ST8SIA6: variants seen among roughly 807,000 people sequenced by gnomAD.
ST8SIA6 encodes the protein alpha-2,8-sialyltransferase 8F.
In ST8SIA6, 39 loss-of-function variants were observed where a neutral mutation model predicts 33.6. The observed-to-expected ratio is 1.16, with a 90% CI of 0.90 to 1.52. ST8SIA6 has a LOEUF of 1.52. Among genes scored for constraint, ST8SIA6 ranks in the 40% most tolerant of loss-of-function variants. The pLI, the probability that ST8SIA6 is intolerant of heterozygous loss-of-function variation, is 0.00. For missense variants in ST8SIA6, 441 were observed against 443.8 expected (o/e 0.99, Z 0.06); for synonymous variants, 172 against 167.2 (o/e 1.03, Z -0.22).
At chr10:17,374,764 T>TACACAC (rs1554792822) in intron 3 of ST8SIA6, among the ~76,000 whole-genome samples, 1 of 126,848 alleles carries the variant, frequency 7.9e-6, no homozygotes, top group Non-Finnish European at 1.7e-5. Context: ...TATATATATA[T>TACACAC]ATATTTAGCT....
intron 3 of ST8SIA6, among the ~76,000 whole-genome samples, chr10:17,362,585 T>A (rs1034761761): frequency 2.0e-5 from 3 of 152,190 alleles, no homozygotes; most frequent in Non-Finnish European, 1.5e-5. Context: ...CATGTTAAAT[T>A]TAATTATGAC....
intron 4 of ST8SIA6, among the ~76,000 whole-genome samples, chr10:17,349,974 G>A (rs1050650082): frequency 1.3e-5 from 2 of 151,954 alleles, no homozygotes; most frequent in Non-Finnish European, 2.9e-5. Context: ...AAATGAAAAT[G>A]TATTAATCGT....
At chr10:17,429,969 G>A (rs1474186146) in intron 2 of ST8SIA6, among the ~76,000 whole-genome samples, 2 of 152,124 alleles carry the variant, frequency 1.3e-5, no homozygotes, top group Admixed American at 6.6e-5. Context: ...GTACAGTGGT[G>A]AATTCTGAGA....
intron 2 of ST8SIA6, among the ~76,000 whole-genome samples, chr10:17,413,189 T>G (rs1282730718): frequency 6.6e-6 from 1 of 152,164 alleles, no homozygotes; most frequent in East Asian, 1.9e-4. Flanking sequence ...ATGATTATTT[T>G]TATTACAGCT....
chr10:17,359,285 T>G (rs540921500), intron 4 of ST8SIA6, among the ~76,000 whole-genome samples: 69 of 152,186 alleles, frequency 4.5e-4, no homozygotes, highest in Non-Finnish European at 8.5e-4. Context: ...AAATCTTTCT[T>G]TTGAATTTGG....
intron 3 of ST8SIA6, among the ~76,000 whole-genome samples, chr10:17,363,809 T>G (rs1849473071): frequency 6.6e-6 from 1 of 152,190 alleles, no homozygotes; most frequent in South Asian, 2.1e-4. Flanking sequence ...AAAACATGAA[T>G]GAGCTCACCA....
At chr10:17,379,305 G>A (rs1325531732) in intron 3 of ST8SIA6, among the ~76,000 whole-genome samples, 1 of 144,648 alleles carries the variant, frequency 6.9e-6, no homozygotes, top group Admixed American at 6.8e-5. Flanking sequence ...GTGAAAGTGA[G>A]AGAGAAAGAG....
At position 17,454,052 on chromosome 10, in the gene ST8SIA6, C is replaced by T. The variant is rs1319719388; in HGVS notation, c.101+103G>A. 4.1e-6 allele frequency: 1 copy of T among 242,692 alleles called. No homozygotes were observed. Among genetic ancestry groups the T allele is most frequent in the Non-Finnish European group, 7.8e-6 (1 of 127,852 alleles). 15.0% of individuals were successfully genotyped at this position (242,692 alleles called of 1,614,324 possible). ...CCCGTGGGCTGCTCCCCGCCGCGGC[C>T]AAAAGTCTCCGCGCCCGAGGGGAAG... On this transcript the variant is annotated intron_variant, in intron 1 of 7. Transcript: ENST00000377602. The surrounding 1 kb of genome is among the most constrained non-coding windows in gnomAD (Gnocchi z 4.1).
chr10:17,364,696 C>G (rs578117833), intron 3 of ST8SIA6, among the ~76,000 whole-genome samples: 1 of 152,280 alleles, frequency 6.6e-6, no homozygotes, highest in African/African-American at 2.4e-5. Context: ...AACCAAAAAT[C>G]ATTTGAGGAG....
rs554940335 is a variant in ST8SIA6 at position 17,317,171 on chromosome 10, A to C, written c.*3707T>G. Among the ~76,000 whole-genome samples the C allele has an allele frequency of 1.2e-3, 186 of 152,324 alleles. 1 individual carries two copies. The highest frequency in any genetic ancestry group is 4.3e-3 in the African/African-American group (177 of 41,562). ...TTTATTTTTCTCCATAGAGTGAGCC[A>C]ATGTTTCAATATTATCTGCTAAAGA... On this transcript the variant is annotated 3_prime_UTR_variant, in exon 8 of 8. Coordinates refer to ENST00000377602, the MANE Select transcript of ST8SIA6 (RefSeq NM_001004470.3).
intron 4 of ST8SIA6, among the ~76,000 whole-genome samples, chr10:17,357,364 C>T (rs1234536552): frequency 6.6e-6 from 1 of 151,608 alleles, no homozygotes; most frequent in Non-Finnish European, 1.5e-5. Flanking sequence ...TTTTGATCTC[C>T]TGATCTCGTG....
chr10:17,453,351 C>T (rs1174706615), intron 2 of ST8SIA6, among the ~76,000 whole-genome samples: 1 of 152,084 alleles, frequency 6.6e-6, no homozygotes, highest in Non-Finnish European at 1.5e-5. Flanking sequence ...GATTCAAAGA[C>T]CATTCACATC....
Position 17,414,760 on chromosome 10 carries a change from T to G in ST8SIA6, c.201-24140A>C, listed in dbSNP as rs530300194. On this transcript the variant is annotated intron_variant, in intron 2 of 7. Coordinates refer to ENST00000377602, the MANE Select transcript of ST8SIA6 (RefSeq NM_001004470.3). ...CCTATCAAATTAAGGGGTAGCTCTA[T>G]GACCTCATTTAAATAGAATTATCTC... 1.5e-3 allele frequency among the ~76,000 whole-genome samples: 225 copies of G among 152,320 alleles called. 1 individual carries two copies. In the Middle Eastern group the frequency reaches 0.017, roughly 12 times the overall value.
At chr10:17,335,942 T>A (rs1848485333) in intron 4 of ST8SIA6, among the ~76,000 whole-genome samples, 1 of 148,728 alleles carries the variant, frequency 6.7e-6, no homozygotes, top group African/African-American at 2.6e-5. Flanking sequence ...TTTAAAACAT[T>A]AATAGAGTTT....
chr10:17,359,595 G>A lies in ST8SIA6; in HGVS notation c.296C>T (p.Ser99Leu). 3 of 1,590,556 alleles carry A rather than the reference G, an allele frequency of 1.9e-6. No homozygotes were observed. Among genetic ancestry groups the A allele is most frequent in the Non-Finnish European group, 2.6e-6 (3 of 1,168,378 alleles). Residue 99 changes from serine to leucine, a missense_variant, in exon 4 of 8, where the codon TCA becomes TTA. Transcript: ENST00000377602. ...GATAATCTGAAGGTAGTCGTTCTCT[G>A]AATACCTAAAAATTAAATGTCAATA... is the stretch of plus-strand genomic sequence containing the variant. ...ESFSNKTKGY[S>L]ENDYLQIITD...
At chr10:17,349,199 G>A (rs1269735822) in intron 4 of ST8SIA6, among the ~76,000 whole-genome samples, 1 of 152,186 alleles carries the variant, frequency 6.6e-6, no homozygotes, top group Admixed American at 6.5e-5. Flanking sequence ...AACTGAACAG[G>A]AAGAGTTGGT....
At chr10:17,442,454 A>G (rs1852533684) in intron 2 of ST8SIA6, among the ~76,000 whole-genome samples, 1 of 152,182 alleles carries the variant, frequency 6.6e-6, no homozygotes, top group East Asian at 1.9e-4. Flanking sequence ...CCTGAGTAAC[A>G]CTAATTTCTG....
intron 6 of ST8SIA6, among the ~76,000 whole-genome samples, chr10:17,324,078 A>G (rs1470942105): frequency 1.3e-5 from 2 of 152,214 alleles, no homozygotes; most frequent in African/African-American, 4.8e-5. Flanking sequence ...AAATTGGAAA[A>G]CAAATTAAGA....
intron 3 of ST8SIA6, chr10:17,387,206 G>A (rs1850402027): frequency 1.3e-5 from 2 of 152,046 alleles, no homozygotes; most frequent in Non-Finnish European, 2.9e-5. Context: ...GATTCCCCTT[G>A]CAAGCTTAAG....
Sources: gnomAD v4.1 joint callset for allele counts (sites outside exome capture counted in the v4.1 genomes callset) on GRCh38, gnomAD v4.1.1 for gene constraint, Gnocchi (gnomAD v3.1) non-coding constraint, MANE v1.5 for transcripts, NCBI Gene and HGNC (gene_info 2026-07-23, HGNC 2026-07-21) for gene names.